The following RPS6KB1 variants were observed in gnomAD, a reference collection of about 807,000 sequenced individuals.
RPS6KB1 encodes ribosomal protein S6 kinase B1, also known as ribosomal protein S6 kinase beta-1.
RPS6KB1 carries 12 observed loss-of-function variants against 70.2 expected under a neutral mutation model. The observed-to-expected ratio is 0.17, with a 90% confidence interval of 0.11 to 0.28. The LOEUF (loss-of-function observed/expected upper bound fraction) is 0.28, where lower values mean the gene tolerates loss of function less well. Ranked by LOEUF, RPS6KB1 falls within the 10% of genes least tolerant of loss-of-function variation. The pLI is 1.00. For synonymous variants in RPS6KB1, 175 were observed against 211.2 expected, an observed-to-expected ratio of 0.83 and a Z score of 1.49; for missense variants, 270 against 646.6, an observed-to-expected ratio of 0.42 and a Z score of 6.32.
intron 1 of RPS6KB1, among the ~76,000 whole-genome samples, chr17:59,908,897 C>T (rs1598686558): frequency 1.5e-5 from 2 of 136,124 alleles, no homozygotes; most frequent in East Asian, 2.2e-4. Flanking sequence ...GGATTACAAG[C>T]GTGAGCCACC....
At chr17:59,941,559 T>C (rs1486623707) in intron 13 of RPS6KB1, among the ~76,000 whole-genome samples, 2 of 152,082 alleles carry the variant, frequency 1.3e-5, no homozygotes, top group Non-Finnish European at 2.9e-5. Context: ...CTGCCTTGGC[T>C]TCCCAAAGTG....
intron 1 of RPS6KB1, among the ~76,000 whole-genome samples, chr17:59,896,509 A>G (rs2041576375): frequency 6.6e-6 from 1 of 152,126 alleles, no homozygotes; most frequent in African/African-American, 2.4e-5. Context: ...TTGAAAGTAC[A>G]GTACTCTGTT....
rs140132004 is a variant in RPS6KB1, at chr17:59,911,960, G to A, written c.192-724G>A. On this transcript the variant is annotated intron_variant, in intron 2 of 14. Transcript: ENST00000225577. ...CAGAGAAGAAGTTTTGTACTATGAT[G>A]TGAACTAATTGGGTAGTTTTGGAAA... 1.1e-3 allele frequency among the ~76,000 whole-genome samples: 172 copies of A among 152,244 alleles called. 1 individual carries two copies. The Middle Eastern group carries it at 0.014, about 12-fold the overall frequency.
At chr17:59,911,004 T>C (rs9911964) in intron 2 of RPS6KB1, among the ~76,000 whole-genome samples, 7,605 of 152,246 alleles carry the variant, frequency 0.05, 592 homozygotes, top group African/African-American at 0.17. Flanking sequence ...GCAATCCGGC[T>C]GGGCACAGTG....
intron 7 of RPS6KB1, among the ~76,000 whole-genome samples, chr17:59,932,627 C>T (rs1321538100): frequency 2.0e-5 from 3 of 149,880 alleles, no homozygotes; most frequent in Non-Finnish European, 3.0e-5. Context: ...TTACAGCTCA[C>T]TGCAACCTCC....
In RPS6KB1 at chr17:59,940,904, T is replaced by C. The variant is rs1317958153; in HGVS notation, c.1188T>C (p.Asp396=). 1 of 1,597,178 alleles carries C rather than the reference T, an allele frequency of 6.3e-7. No homozygotes were observed. Among genetic ancestry groups the C allele is most frequent in the Non-Finnish European group, 8.5e-7 (1 of 1,178,692 alleles). Residue 396 remains aspartate (D), a synonymous_variant, in exon 13 of 15, where the codon GAT becomes GAC. Coordinates refer to ENST00000225577, the MANE Select transcript of RPS6KB1 (RefSeq NM_003161.4). ...FTRQTPVDSP[D]DSTLSESANQ... ...GTCAGACACCTGTCGACAGCCCAGA[T>C]GACTCAACTCTCAGTGAAAGTGCCA...
intron 5 of RPS6KB1, among the ~76,000 whole-genome samples, chr17:59,926,943 G>A (rs1183364708): frequency 6.6e-6 from 1 of 152,148 alleles, no homozygotes; most frequent in East Asian, 1.9e-4. Flanking sequence ...TTGGAATTGG[G>A]TCTTTAAACA....
intron 1 of RPS6KB1, among the ~76,000 whole-genome samples, chr17:59,901,274 C>CGG (rs1341980790): frequency 6.0e-5 from 9 of 151,188 alleles, no homozygotes; most frequent in Admixed American, 2.6e-4. Flanking sequence ...CTCAGCCTCC[C>CGG]GAGTAGCTGG....
At chr17:59,911,538 G>GTTTTT (rs1184826889) in intron 2 of RPS6KB1, among the ~76,000 whole-genome samples, 6,332 of 74,610 alleles carry the variant, frequency 0.085, 543 homozygotes, top group East Asian at 0.2. Context: ...TTTTTGTTGG[G>GTTTTT]TTTTTTTTTT....
intron 12 of RPS6KB1, among the ~76,000 whole-genome samples, chr17:59,937,279 T>C (rs929828420): frequency 1.3e-5 from 2 of 151,948 alleles, no homozygotes; most frequent in African/African-American, 4.9e-5. Context: ...GGGACTTTCC[T>C]TTTTTTGGTT....
intron 6 of RPS6KB1, 101 bp from the exon 7 acceptor site, chr17:59,931,521 T>C: frequency 1.2e-6 from 1 of 868,048 alleles, no homozygotes; most frequent in East Asian, 2.5e-5. Flanking sequence ...AATTTGGTCT[T>C]TGGTGCATGT....
At chr17:59,896,137 C>T (rs181630987) in intron 1 of RPS6KB1, among the ~76,000 whole-genome samples, 1 of 152,110 alleles carries the variant, frequency 6.6e-6, no homozygotes, top group South Asian at 2.1e-4. Context: ...TAGGAAGGTG[C>T]TTTATATCTT....
chr17:59,926,487 A>G lies in RPS6KB1; in HGVS notation c.434A>G (p.Asn145Ser), dbSNP rs183590386. ...ACAGCTCATACAAAAGCAGAACGGA[A>G]TATTCTGGAGGAAGTAAAGCATCCC... ...KDTAHTKAER[N>S]ILEEVKHPFI... Residue 145 changes from asparagine (N) to serine (S), a missense_variant, in exon 5 of 15, where the codon AAT becomes AGT. Transcript: ENST00000225577. 123 of 1,611,888 alleles carry G rather than the reference A, an allele frequency of 7.6e-5. 2 individuals carry two copies. In the East Asian group the frequency reaches 2.0e-3, roughly 26 times the overall value.
chr17:59,917,698 A>G (rs2043037384), intron 4 of RPS6KB1, among the ~76,000 whole-genome samples: 1 of 152,146 alleles, frequency 6.6e-6, no homozygotes, highest in Non-Finnish European at 1.5e-5. Flanking sequence ...TTGGCTCCCA[A>G]AGTGTTGGGA....
intron 13 of RPS6KB1, among the ~76,000 whole-genome samples, chr17:59,942,528 T>C (rs1478363516): frequency 1.2e-4 from 18 of 152,202 alleles, no homozygotes; most frequent in Admixed American, 1.2e-3. Context: ...TTTTTTTTTC[T>C]TTTGTCATTT....
chr17:59,925,749 G>C (rs894903724), intron 4 of RPS6KB1, among the ~76,000 whole-genome samples: 24 of 152,110 alleles, frequency 1.6e-4, no homozygotes, highest in African/African-American at 5.6e-4. Context: ...GACGTATTCT[G>C]TCCTCTTTTG....
Position 59,934,376 on chromosome 17 carries a change from T to C in RPS6KB1, c.780-58T>C. 6.6e-7 allele frequency: 1 copy of C among 1,523,318 alleles called. No individual in the cohort carries two copies. The highest frequency in any genetic ancestry group is 9.1e-7 in the Non-Finnish European group (1 of 1,098,324). The allele number at this position is 1,523,318 out of a possible 1,614,324, so 94.4% of individuals were successfully genotyped here. On this transcript the variant is annotated intron_variant, in intron 8 of 14. Transcript: ENST00000225577. The surrounding 1 kb of genome is among the most constrained non-coding windows in gnomAD (Gnocchi z 4.8). ...ACTCTGTATATTGTTTTTAAAATTCTAATTCAGATGATATGCAAATGGGTG... is the reference window on the plus strand; with the variant it reads ...ACTCTGTATATTGTTTTTAAAATTCCAATTCAGATGATATGCAAATGGGTG...
At chr17:59,931,863 T>C (rs1359989918) in intron 7 of RPS6KB1, 141 bp downstream of exon 7, 5 of 606,846 alleles carry the variant, frequency 8.2e-6, no homozygotes, top group East Asian at 2.8e-5. Context: ...ATCATAGTAC[T>C]TGCTGATATT....
At chr17:59,898,019 C>T (rs1355808297) in intron 1 of RPS6KB1, among the ~76,000 whole-genome samples, 1 of 151,660 alleles carries the variant, frequency 6.6e-6, no homozygotes, top group African/African-American at 2.4e-5. Context: ...TAATCAAAGC[C>T]TATTGGTAAG....
Sources: allele counts gnomAD v4.1 joint callset (sites outside exome capture counted in the v4.1 genomes callset), GRCh38; gene constraint gnomAD v4.1.1; non-coding constraint Gnocchi (gnomAD v3.1); transcripts MANE v1.5; gene names NCBI Gene and HGNC (gene_info 2026-07-23, HGNC 2026-07-21).